The following TEX9 variants were observed in gnomAD, a reference collection of about 807,000 sequenced individuals.
The protein encoded by TEX9 is testis expressed 9.
In TEX9, 74 loss-of-function variants were observed where a neutral mutation model predicts 59.6. The observed-to-expected ratio is 1.24, with a 90% CI of 1.03 to 1.51. The LOEUF (loss-of-function observed/expected upper bound fraction) is 1.51, where lower values mean the gene tolerates loss of function less well. TEX9 is among the 40% of genes most tolerant of loss of function. The probability of loss-of-function intolerance (pLI) is 0.00; values close to 1 mark genes in which losing one functional copy is unlikely to be tolerated. For synonymous variants in TEX9, 186 were observed against 152.2 expected, an observed-to-expected ratio of 1.22 and a Z score of -1.64; for missense variants, 522 against 447.8, an observed-to-expected ratio of 1.17 and a Z score of -1.49.
chr15:56,429,414 C>G (rs2050495006), intron 12 of TEX9: 1 of 406,636 alleles, frequency 2.5e-6, no homozygotes, highest in Non-Finnish European at 4.3e-6. Context: ...TTTATCAGCT[C>G]TAGTGTAGGA....
intron 1 of TEX9, among the ~76,000 whole-genome samples, chr15:56,358,641 A>G (rs2046733036): frequency 6.6e-6 from 1 of 152,092 alleles, no homozygotes. Context: ...CTTGTATTTT[A>G]CTATGTCTTT....
intron 1 of TEX9, among the ~76,000 whole-genome samples, chr15:56,252,161 G>T (rs1376166956): frequency 6.6e-6 from 1 of 151,994 alleles, no homozygotes; most frequent in Non-Finnish European, 1.5e-5. Flanking sequence ...GTGGTACCTT[G>T]TACAGCCTTA....
At chr15:56,260,065 A>G (rs1380281762) in intron 1 of TEX9, among the ~76,000 whole-genome samples, 1 of 152,146 alleles carries the variant, frequency 6.6e-6, no homozygotes, top group Non-Finnish European at 1.5e-5. Context: ...GCAAACACAT[A>G]CAAATACAAT....
intron 1 of TEX9, among the ~76,000 whole-genome samples, chr15:56,287,608 A>C (rs2044984097): frequency 1.3e-5 from 2 of 152,142 alleles, no homozygotes; most frequent in South Asian, 4.1e-4. Flanking sequence ...CACCATAATG[A>C]ATAATAGATC....
intron 10 of TEX9, among the ~76,000 whole-genome samples, chr15:56,414,985 G>T (rs927676236): frequency 1.3e-5 from 2 of 151,516 alleles, no homozygotes; most frequent in Non-Finnish European, 2.9e-5. Context: ...TTTCTCTGAT[G>T]ATCAGTGATA....
At chr15:56,250,442 C>T (rs147106699) in intron 1 of TEX9, among the ~76,000 whole-genome samples, 76 of 152,150 alleles carry the variant, frequency 5.0e-4, no homozygotes, top group African/African-American at 1.7e-3. Context: ...AGCAGGAAAA[C>T]GAGCATGCAA....
At chr15:56,400,202 G>A (rs1470764491) in intron 9 of TEX9, among the ~76,000 whole-genome samples, 5 of 152,138 alleles carry the variant, frequency 3.3e-5, no homozygotes, top group African/African-American at 1.2e-4. Flanking sequence ...GGATCATGAT[G>A]TTCTAACCCA....
intron 1 of TEX9, among the ~76,000 whole-genome samples, chr15:56,333,373 A>G (rs1182661395): frequency 6.6e-6 from 1 of 152,190 alleles, no homozygotes; most frequent in Admixed American, 6.5e-5. Flanking sequence ...ATGCAAATCA[A>G]TCAATGTGAT....
At chr15:56,248,597 G>A (rs141103576) in intron 1 of TEX9, among the ~76,000 whole-genome samples, 57 of 152,264 alleles carry the variant, frequency 3.7e-4, no homozygotes, top group Non-Finnish European at 7.1e-4. Flanking sequence ...TCCACTGTTG[G>A]TACCATATAC....
At chr15:56,406,404 C>T (rs1222577783) in intron 9 of TEX9, among the ~76,000 whole-genome samples, 2 of 152,130 alleles carry the variant, frequency 1.3e-5, no homozygotes, top group Non-Finnish European at 2.9e-5. Flanking sequence ...TAAAAATCCA[C>T]AGTGAATTTC....
chr15:56,400,816 G>A (rs2048730390), intron 9 of TEX9, among the ~76,000 whole-genome samples: 1 of 152,218 alleles, frequency 6.6e-6, no homozygotes, highest in South Asian at 2.1e-4. Context: ...CCAGAAGAGA[G>A]TGGGGACCGA....
At chr15:56,432,602 AC>A (rs1477768903) in intron 12 of TEX9, among the ~76,000 whole-genome samples, 1 of 152,206 alleles carries the variant, frequency 6.6e-6, no homozygotes, top group Non-Finnish European at 1.5e-5. Flanking sequence ...AAAAATTAAG[AC>A]AAAAATTATT....
chr15:56,320,906 C>A (rs2725851), intron 1 of TEX9, among the ~76,000 whole-genome samples: 1 of 151,972 alleles, frequency 6.6e-6, no homozygotes, highest in Non-Finnish European at 1.5e-5. Flanking sequence ...TGGCTGGAAC[C>A]AGGAAATAAA....
At chr15:56,355,026 G>A (rs2046658913) in intron 1 of TEX9, among the ~76,000 whole-genome samples, 1 of 152,012 alleles carries the variant, frequency 6.6e-6, no homozygotes, top group Non-Finnish European at 1.5e-5. Flanking sequence ...GTAAGCTTTG[G>A]CATTTATATA....
At chr15:56,445,784 G>A (rs1230358441) in exon 13 of TEX9, 2 of 151,736 alleles carry the variant, frequency 1.3e-5, no homozygotes, top group African/African-American at 4.8e-5. Flanking sequence ...TTGGAAAATA[G>A]CAGCAATTCT....
intron 1 of TEX9, among the ~76,000 whole-genome samples, chr15:56,330,838 C>G (rs1302845950): frequency 1.3e-5 from 2 of 151,514 alleles, no homozygotes; most frequent in South Asian, 2.1e-4. Context: ...ATGGACTAAA[C>G]TTTCCAATAA....
chr15:56,413,323 ATAAT>A (rs1290106125), intron 10 of TEX9, among the ~76,000 whole-genome samples: 9 of 132,874 alleles, frequency 6.8e-5, no homozygotes, highest in African/African-American at 2.1e-4. Context: ...TTATTATTTA[ATAAT>A]TAAAACAATA....
At chr15:56,293,680 A>T (rs144583917) in intron 1 of TEX9, among the ~76,000 whole-genome samples, 1 of 152,210 alleles carries the variant, frequency 6.6e-6, no homozygotes, top group East Asian at 1.9e-4. Flanking sequence ...GCCTGACCTC[A>T]AAAGGTCAGC....
chr15:56,446,916 TTTC>T (rs746106747), downstream of TEX9: 4 of 1,609,460 alleles, frequency 2.5e-6, no homozygotes, highest in Non-Finnish European at 2.5e-6. Flanking sequence ...CTGCTTTTAA[TTTC>T]TTCTCCAATT....
Sources: gnomAD v4.1 joint callset for allele counts (sites outside exome capture counted in the v4.1 genomes callset) on GRCh38, gnomAD v4.1.1 for gene constraint, MANE v1.5 for transcripts, NCBI Gene and HGNC (gene_info 2026-07-23, HGNC 2026-07-21) for gene names.